Variants in GALK2 observed in about 807,000 individuals in gnomAD.
GALK2 encodes the protein N-acetylgalactosamine kinase.
GALK2 carries 36 observed loss-of-function variants against 52.4 expected under a neutral mutation model. The ratio of observed to expected loss-of-function variants is 0.69; its 90% CI spans 0.53 to 0.91. The LOEUF (loss-of-function observed/expected upper bound fraction) is 0.91, where lower values mean the gene tolerates loss of function less well. Among genes scored for constraint, GALK2 ranks in the 40% least tolerant of loss-of-function variants. The pLI, the probability that GALK2 is intolerant of heterozygous loss-of-function variation, is 0.00. For synonymous variants in GALK2, 176 were observed against 199.1 expected (o/e 0.88, Z 0.98); for missense variants, 579 against 559.1 (o/e 1.04, Z -0.36).
chr15:49,327,895 G>A (rs2037799927), intron 9 of GALK2, 57 bp from the exon 10 acceptor site: 1 of 1,536,454 alleles, frequency 6.5e-7, no homozygotes, highest in Non-Finnish European at 8.9e-7. Flanking sequence ...CAAACACCAA[G>A]CAAATCCCTT....
chr15:49,185,826 A>G (rs2086300710), intron 1 of GALK2, among the ~76,000 whole-genome samples: 2 of 152,196 alleles, frequency 1.3e-5, no homozygotes, highest in African/African-American at 2.4e-5. Context: ...TGTCTGTCTC[A>G]GAAAATCTTT....
chr15:49,211,642 G>C (rs929362678), intron 2 of GALK2, among the ~76,000 whole-genome samples: 1 of 152,182 alleles, frequency 6.6e-6, no homozygotes, highest in Non-Finnish European at 1.5e-5. Flanking sequence ...TGTACAGGAA[G>C]CATGGCTGGG....
At chr15:49,174,644 T>C (rs1443979156) in intron 1 of GALK2, among the ~76,000 whole-genome samples, 1 of 152,204 alleles carries the variant, frequency 6.6e-6, no homozygotes, top group African/African-American at 2.4e-5. Context: ...GCACTTGGCC[T>C]ATTTCTTGTT....
intron 7 of GALK2, among the ~76,000 whole-genome samples, chr15:49,288,945 C>T (rs780216795): frequency 6.6e-6 from 1 of 152,034 alleles, no homozygotes; most frequent in Non-Finnish European, 1.5e-5. Context: ...GGTACAGGCT[C>T]TCTGTGATTG....
intron 5 of GALK2, among the ~76,000 whole-genome samples, chr15:49,265,878 C>G (rs1445827243): frequency 6.6e-6 from 1 of 152,174 alleles, no homozygotes; most frequent in Non-Finnish European, 1.5e-5. Context: ...CCCACTCAAG[C>G]CAGCTTCATT....
At chr15:49,346,663 T>C (rs1289161780) in intron 3 of GALK2, among the ~76,000 whole-genome samples, 2 of 152,126 alleles carry the variant, frequency 1.3e-5, no homozygotes, top group Admixed American at 1.3e-4. Context: ...TTAGAGATAG[T>C]CTTTGGATTA....
At chr15:49,255,657 G>T (rs867282858) in intron 5 of GALK2, among the ~76,000 whole-genome samples, 1 of 105,658 alleles carries the variant, frequency 9.5e-6, no homozygotes, top group African/African-American at 3.0e-5. Context: ...GAGATAGGTA[G>T]AGATCTGCTG....
chr15:49,210,429 T>C (rs2088742357), intron 2 of GALK2, among the ~76,000 whole-genome samples: 1 of 151,566 alleles, frequency 6.6e-6, no homozygotes, highest in East Asian at 1.9e-4. Flanking sequence ...TATTTTATTT[T>C]ATTTTATTTT....
chr15:49,176,971 T>C (rs2085511798), intron 1 of GALK2, among the ~76,000 whole-genome samples: 1 of 152,162 alleles, frequency 6.6e-6, no homozygotes, highest in Non-Finnish European at 1.5e-5. Context: ...TCTGACAACT[T>C]TTCTATTTCT....
intron 9 of GALK2, among the ~76,000 whole-genome samples, chr15:49,322,182 T>C (rs777929410): frequency 9.2e-5 from 14 of 152,250 alleles, no homozygotes; most frequent in Non-Finnish European, 1.9e-4. Context: ...AAATCCTTTC[T>C]TAATGGCAGC....
intron 5 of GALK2, among the ~76,000 whole-genome samples, chr15:49,265,090 A>G (rs1222695276): frequency 6.6e-6 from 1 of 152,148 alleles, no homozygotes; most frequent in African/African-American, 2.4e-5. Context: ...TGGGAGAACC[A>G]CTGCTCTCTT....
chr15:49,324,669 G>T (rs1285082064), intron 9 of GALK2, among the ~76,000 whole-genome samples: 1 of 152,158 alleles, frequency 6.6e-6, no homozygotes, highest in East Asian at 1.9e-4. Flanking sequence ...CATAGAAACT[G>T]CTAGAAGTTC....
intron 1 of GALK2, among the ~76,000 whole-genome samples, chr15:49,190,800 G>T (rs1310804278): frequency 6.6e-6 from 1 of 152,206 alleles, no homozygotes; most frequent in Non-Finnish European, 1.5e-5. Flanking sequence ...ATGTGGAACT[G>T]TAAGGAATTC....
intron 1 of GALK2, among the ~76,000 whole-genome samples, chr15:49,176,501 T>A (rs1209106677): frequency 1.3e-5 from 2 of 152,188 alleles, no homozygotes; most frequent in Non-Finnish European, 2.9e-5. Context: ...TGACAGAGAT[T>A]TAAAAAATTT....
chr15:49,332,087 CCACACACACACACA>C (rs377139081), downstream of GALK2, among the ~76,000 whole-genome samples: 3,477 of 127,976 alleles, frequency 0.027, 130 homozygotes, highest in African/African-American at 0.085. Context: ...TGCACACGTG[CCACACACACACACA>C]CACACACACA....
intron 8 of GALK2, among the ~76,000 whole-genome samples, chr15:49,318,646 T>C (rs2036620322): frequency 6.6e-6 from 1 of 152,242 alleles, no homozygotes; most frequent in Non-Finnish European, 1.5e-5. Context: ...TATATATAGG[T>C]ACATATATAA....
chr15:49,237,546 G>A (rs931117765), intron 4 of GALK2, among the ~76,000 whole-genome samples: 3 of 151,686 alleles, frequency 2.0e-5, no homozygotes, highest in Non-Finnish European at 2.9e-5. Context: ...GCGTGATCTC[G>A]GCTCACTGCA....
intron 5 of GALK2, 65 bp downstream of exon 5, chr15:49,239,432 A>C: frequency 1.2e-4 from 171 of 1,448,658 alleles, no homozygotes; most frequent in Middle Eastern, 1.8e-4. Flanking sequence ...TCCAAATCTC[A>C]AATCAGAATG....
At chr15:49,200,162 A>G (rs901445362) in intron 1 of GALK2, among the ~76,000 whole-genome samples, 4 of 152,202 alleles carry the variant, frequency 2.6e-5, no homozygotes, top group African/African-American at 9.7e-5. Flanking sequence ...GAGAGTATCA[A>G]GTTATTAAAT....
Sources: allele counts gnomAD v4.1 joint callset (sites outside exome capture counted in the v4.1 genomes callset), GRCh38; gene constraint gnomAD v4.1.1; transcripts MANE v1.5; gene names NCBI Gene and HGNC (gene_info 2026-07-23, HGNC 2026-07-21).